The following SNAP47 variants were observed in gnomAD, a reference collection of about 807,000 sequenced individuals.
SNAP47 encodes synaptosomal-associated protein 47.
Under a neutral mutation model 31.4 loss-of-function variants are expected in SNAP47, and 20 were observed. The ratio of observed to expected loss-of-function variants is 0.64; its 90% confidence interval spans 0.45 to 0.93. The LOEUF (loss-of-function observed/expected upper bound fraction) is 0.93, where lower values mean the gene tolerates loss of function less well. Ranked by LOEUF, SNAP47 falls within the 40% of genes least tolerant of loss-of-function variation. The probability of loss-of-function intolerance (pLI) is 0.00; values close to 1 mark genes in which losing one functional copy is unlikely to be tolerated. For missense variants in SNAP47, 492 were observed against 528.5 expected, an observed-to-expected ratio of 0.93 and a Z score of 0.68; for synonymous variants, 194 against 213.4, an observed-to-expected ratio of 0.91 and a Z score of 0.79.
chr1:227,741,872 AG>A lies in SNAP47; in HGVS notation c.-45-5817del, dbSNP rs1380559902. ...AGCCCTGGAAACCTGCAGTTGGAAA[AG>A]GGTGGCTACAAGTTTCTCTTCTTGC... On this transcript the variant is annotated intron_variant, in intron 1 of 4. Coordinates refer to ENST00000617596, the MANE Select transcript of SNAP47 (RefSeq NM_053052.4). This position sits in a 1 kb window ranked among gnomAD's most constrained non-coding sequence, Gnocchi z 4.2. 6.6e-6 allele frequency among the ~76,000 whole-genome samples: 1 copy of A among 151,474 alleles called. No individual in the cohort carries two copies. Among genetic ancestry groups the A allele is most frequent in the Non-Finnish European group, 1.5e-5 (1 of 67,992 alleles).
chr1:227,759,282 C>T lies in SNAP47; in HGVS notation c.785C>T (p.Ser262Leu). The part of the protein sequence containing the change: ...REDVDDIKVH[S>L]PYEISIRQRF... ...GACGTGGACGACATCAAGGTCCACTCACCTTACGAAATTAGCATCCGCCAG... is the reference window on the plus strand; with the variant it reads ...GACGTGGACGACATCAAGGTCCACTTACCTTACGAAATTAGCATCCGCCAG... The change falls in exon 3 of 5, where the codon TCA (serine) becomes TTA (leucine). Residue 262 changes from serine to leucine, a missense_variant. Transcript: ENST00000617596. The T allele has an allele frequency of 6.2e-7, 1 of 1,614,242 alleles. No individual in the cohort carries two copies. The highest frequency in any genetic ancestry group is 8.5e-7 in the Non-Finnish European group (1 of 1,180,056).
upstream of SNAP47, among the ~76,000 whole-genome samples, chr1:227,730,271 C>T (rs1186568173): frequency 6.6e-6 from 1 of 152,154 alleles, no homozygotes; most frequent in Non-Finnish European, 1.5e-5. Flanking sequence ...TGCGAAGGCC[C>T]TCACATGTGC....
At chr1:227,776,558 C>T (rs558054299) in intron 4 of SNAP47, 15 of 985,496 alleles carry the variant, frequency 1.5e-5, no homozygotes, top group Middle Eastern at 1.0e-3. Context: ...TGGCTTGTCA[C>T]CCCAGGCCGC....
intron 2 of SNAP47, among the ~76,000 whole-genome samples, chr1:227,758,136 T>C (rs1309136092): frequency 6.6e-6 from 1 of 152,170 alleles, no homozygotes; most frequent in Non-Finnish European, 1.5e-5. Context: ...TGCAGATGGC[T>C]GAATTCTAAC....
At chr1:227,731,989 C>T (rs562163555), upstream of SNAP47, 141 of 243,306 alleles carry the variant, frequency 5.8e-4, no homozygotes, top group African/African-American at 2.9e-3. Flanking sequence ...CCTCCCTGAA[C>T]CCACAGGGCA....
At chr1:227,755,258 C>T (rs1013985303) in intron 2 of SNAP47, among the ~76,000 whole-genome samples, 1 of 152,192 alleles carries the variant, frequency 6.6e-6, no homozygotes, top group African/African-American at 2.4e-5. Flanking sequence ...GGCTGGAGTG[C>T]AGTGGCGCGA....
intron 4 of SNAP47, among the ~76,000 whole-genome samples, chr1:227,779,871 A>G (rs1265680075): frequency 6.6e-6 from 1 of 151,828 alleles, no homozygotes; most frequent in Admixed American, 6.6e-5. Flanking sequence ...TTCCCTATCC[A>G]CACCTGCCTG....
intron 2 of SNAP47, among the ~76,000 whole-genome samples, chr1:227,758,174 G>A (rs1028448437): frequency 2.0e-5 from 3 of 152,212 alleles, no homozygotes; most frequent in African/African-American, 7.2e-5. Context: ...GTGACATTGA[G>A]GGCATGACCG....
chr1:227,778,493 C>G (rs540839596), intron 4 of SNAP47, among the ~76,000 whole-genome samples: 11 of 152,300 alleles, frequency 7.2e-5, no homozygotes, highest in Non-Finnish European at 4.4e-5. Flanking sequence ...AGATCCCGAG[C>G]GGATCCATGT....
At chr1:227,745,390 A>G (rs753873007) in intron 1 of SNAP47, among the ~76,000 whole-genome samples, 11 of 152,152 alleles carry the variant, frequency 7.2e-5, no homozygotes, top group Non-Finnish European at 1.6e-4. Flanking sequence ...CAAACGAAAT[A>G]AAATTTGTAG....
Position 227,759,224 on chromosome 1 carries a change from A to G in SNAP47, c.727A>G (p.Ser243Gly). Reference sequence around the variant, plus strand: ...GTCTGGGTTGGAAATACATGACTCCAGTTCTTTGCTCATGCACAGGTTTGA... The same window carrying G: ...GTCTGGGTTGGAAATACATGACTCCGGTTCTTTGCTCATGCACAGGTTTGA... Reference protein sequence around the residue: ...LVSGLEIHDSSSLLMHRFERE... With the variant: ...LVSGLEIHDSGSLLMHRFERE... The change falls in exon 3 of 5, where the codon AGT becomes GGT. Residue 243 changes from serine (S) to glycine (G), a missense_variant. Ser to Gly is a moderately conservative substitution (Grantham distance 56). Transcript: ENST00000617596. 2.5e-6 allele frequency: 4 copies of G among 1,614,208 alleles called. No individual in the cohort carries two copies. The highest frequency in any genetic ancestry group is 3.4e-6 in the Non-Finnish European group (4 of 1,180,048).
chr1:227,774,101 C>T (rs1664011537), intron 4 of SNAP47, among the ~76,000 whole-genome samples: 1 of 152,156 alleles, frequency 6.6e-6, no homozygotes, highest in Non-Finnish European at 1.5e-5. Flanking sequence ...AGTCCGTGGC[C>T]CATCTCCCAG....
At chr1:227,736,174 C>A (rs901202755) in intron 1 of SNAP47, 1 of 151,542 alleles carries the variant, frequency 6.6e-6, no homozygotes, top group Admixed American at 6.6e-5. Flanking sequence ...GCAGGGTAAC[C>A]TAGATGGGCG....
upstream of SNAP47, chr1:227,733,252 G>A (rs1660794285): frequency 1.1e-6 from 1 of 909,588 alleles, no homozygotes; most frequent in Admixed American, 2.9e-5. Context: ...GGCAGTGGGT[G>A]AAACAGAGGC....
chr1:227,755,289 C>T (rs1196295007), intron 2 of SNAP47, among the ~76,000 whole-genome samples: 1 of 152,148 alleles, frequency 6.6e-6, no homozygotes, highest in Non-Finnish European at 1.5e-5. Flanking sequence ...TTCCAGCCTC[C>T]AACTCCTGGG....
chr1:227,780,447 T>A (rs955226868), intron 4 of SNAP47, 80 bp from the exon 5 acceptor site: 2 of 1,578,468 alleles, frequency 1.3e-6, no homozygotes, highest in African/African-American at 2.7e-5. Flanking sequence ...GGCTCTTGGG[T>A]GTGTGAGAGG....
chr1:227,741,463 G>A lies in SNAP47; in HGVS notation c.-46+5964G>A, dbSNP rs1036275743. On this transcript the variant is annotated intron_variant, in intron 1 of 4. Coordinates refer to ENST00000617596, the MANE Select transcript of SNAP47 (RefSeq NM_053052.4). This position sits in a 1 kb window ranked among gnomAD's most constrained non-coding sequence, Gnocchi z 4.2. ...CAGCTACCACATTTTTGTAAGTGAG[G>A]TCCTGTGGGGTGGCACACCCCATGT... Among the ~76,000 whole-genome samples, 1 of 152,186 alleles carries A rather than the reference G, an allele frequency of 6.6e-6. No homozygotes were observed. Among genetic ancestry groups the A allele is most frequent in the Non-Finnish European group, 1.5e-5 (1 of 68,032 alleles).
intron 2 of SNAP47, among the ~76,000 whole-genome samples, chr1:227,749,957 A>G (rs1005078555): frequency 6.6e-6 from 1 of 152,252 alleles, no homozygotes; most frequent in African/African-American, 2.4e-5. Flanking sequence ...GAGGAAAGTG[A>G]GAACTTCCTC....
chr1:227,742,595 C>T (rs1027637167), intron 1 of SNAP47, among the ~76,000 whole-genome samples: 2 of 152,220 alleles, frequency 1.3e-5, no homozygotes, highest in African/African-American at 2.4e-5. Context: ...CCAACCATGC[C>T]TGCTTAGCAA....
Sources: gnomAD v4.1 joint callset for allele counts (sites outside exome capture counted in the v4.1 genomes callset) on GRCh38, gnomAD v4.1.1 for gene constraint, Gnocchi (gnomAD v3.1) non-coding constraint, MANE v1.5 for transcripts, NCBI Gene and HGNC (gene_info 2026-07-23, HGNC 2026-07-21) for gene names.